KCNK13: variants seen among roughly 807,000 people sequenced by gnomAD.
KCNK13 encodes the protein potassium channel subfamily K member 13.
Under a neutral mutation model 23.4 loss-of-function variants are expected in KCNK13, and 12 were observed. The observed-to-expected ratio is 0.51, with a 90% CI of 0.33 to 0.83. KCNK13 has a LOEUF of 0.83. KCNK13 is among the 40% of genes least tolerant of loss of function. The pLI, the probability that KCNK13 is intolerant of heterozygous loss-of-function variation, is 0.02. For missense variants in KCNK13, 463 were observed against 556.3 expected (o/e 0.83, Z 1.69); for synonymous variants, 231 against 229.5 (o/e 1.01, Z -0.06).
intron 1 of KCNK13, among the ~76,000 whole-genome samples, chr14:90,162,492 C>G (rs1890262874): frequency 6.6e-6 from 1 of 152,128 alleles, no homozygotes. Context: ...CGAAATGTTG[C>G]CATTGAGGAA....
At chr14:90,120,140 C>T (rs941573281) in intron 1 of KCNK13, among the ~76,000 whole-genome samples, 5 of 152,272 alleles carry the variant, frequency 3.3e-5, no homozygotes, top group South Asian at 4.2e-4. Context: ...TCATTTAGCT[C>T]CCACTTATAA....
intron 1 of KCNK13, among the ~76,000 whole-genome samples, chr14:90,132,216 A>C (rs894966669): frequency 2.0e-5 from 3 of 152,206 alleles, no homozygotes; most frequent in African/African-American, 7.2e-5. Context: ...CATTGATACG[A>C]TGTAACAAGA....
chr14:90,107,773 C>T (rs1408305017), intron 1 of KCNK13: 1 of 828,182 alleles, frequency 1.2e-6, no homozygotes, highest in East Asian at 2.5e-5. Context: ...AAGAGATCCT[C>T]AGTCAACTGC....
intron 1 of KCNK13, among the ~76,000 whole-genome samples, chr14:90,132,656 G>T (rs3861658): frequency 0.099 from 15,045 of 152,164 alleles, 1,055 homozygotes; most frequent in Admixed American, 0.25. Flanking sequence ...GCAAGATGGA[G>T]GAAATGAGGT....
chr14:90,162,230 G>T (rs781735843), intron 1 of KCNK13, among the ~76,000 whole-genome samples: 1 of 152,046 alleles, frequency 6.6e-6, no homozygotes, highest in Non-Finnish European at 1.5e-5. Context: ...TACATTTTTG[G>T]TACCAGCCCC....
chr14:90,136,641 G>A (rs17799142), intron 1 of KCNK13, among the ~76,000 whole-genome samples: 15,074 of 152,130 alleles, frequency 0.099, 1,059 homozygotes, highest in Admixed American at 0.25. Flanking sequence ...GTTATTTACT[G>A]GCTTTCTTGC....
chr14:90,133,561 G>A (rs1005815505), intron 1 of KCNK13, among the ~76,000 whole-genome samples: 1 of 149,794 alleles, frequency 6.7e-6, no homozygotes, highest in East Asian at 2.0e-4. Flanking sequence ...AATAAAGCTG[G>A]GTTTTCAAAT....
intron 1 of KCNK13, among the ~76,000 whole-genome samples, chr14:90,071,930 G>C (rs977409600): frequency 1.3e-5 from 2 of 151,890 alleles, no homozygotes; most frequent in Admixed American, 6.6e-5. Flanking sequence ...GAGAAGAGTA[G>C]GGGAAGATGG....
chr14:90,158,223 T>C (rs964129295), intron 1 of KCNK13, among the ~76,000 whole-genome samples: 4 of 152,202 alleles, frequency 2.6e-5, no homozygotes, highest in Non-Finnish European at 5.9e-5. Context: ...CTGGTGAAGA[T>C]ACCAGGGCTG....
At chr14:90,147,359 C>G (rs928975727) in intron 1 of KCNK13, among the ~76,000 whole-genome samples, 2 of 152,118 alleles carry the variant, frequency 1.3e-5, no homozygotes, top group African/African-American at 4.8e-5. Context: ...CTCAAGCGAT[C>G]CCCCCTCAGC....
At chr14:90,171,435 G>T (rs139611859) in intron 1 of KCNK13, among the ~76,000 whole-genome samples, 1 of 152,236 alleles carries the variant, frequency 6.6e-6, no homozygotes, top group Non-Finnish European at 1.5e-5. Context: ...GTATAAAGCA[G>T]ATTATGATTG....
intron 1 of KCNK13, among the ~76,000 whole-genome samples, chr14:90,137,213 A>G (rs1325823835): frequency 6.6e-6 from 1 of 152,212 alleles, no homozygotes; most frequent in Non-Finnish European, 1.5e-5. Flanking sequence ...CCTGCTAGTA[A>G]CAAGGTACCT....
At chr14:90,183,357 C>T (rs74534110) in intron 1 of KCNK13, among the ~76,000 whole-genome samples, 5 of 152,300 alleles carry the variant, frequency 3.3e-5, no homozygotes, top group African/African-American at 1.2e-4. Context: ...CCCATAATCC[C>T]AGTGCTTTGG....
At chr14:90,176,415 T>C (rs1890422387) in intron 1 of KCNK13, among the ~76,000 whole-genome samples, 1 of 151,996 alleles carries the variant, frequency 6.6e-6, no homozygotes, top group African/African-American at 2.4e-5. Flanking sequence ...TGAACCCACT[T>C]CCCATCCCCC....
intron 1 of KCNK13, among the ~76,000 whole-genome samples, chr14:90,109,476 T>G (rs1021581897): frequency 1.4e-5 from 2 of 140,126 alleles, no homozygotes; most frequent in Admixed American, 7.3e-5. Flanking sequence ...TGGTGTGATC[T>G]CGGCTCACTG....
At chr14:90,161,271 A>T (rs12885846) in intron 1 of KCNK13, among the ~76,000 whole-genome samples, 36,588 of 152,162 alleles carry the variant, frequency 0.24, 5,623 homozygotes, top group Non-Finnish European at 0.35. Flanking sequence ...ATAGATAGAC[A>T]GTAGAATAGA....
intron 1 of KCNK13, among the ~76,000 whole-genome samples, chr14:90,090,903 A>C (rs760672028): frequency 1.3e-5 from 2 of 152,188 alleles, no homozygotes; most frequent in Non-Finnish European, 2.9e-5. Flanking sequence ...CTTCCCAGCC[A>C]TGTGGAACTA....
chr14:90,109,225 G>C (rs1355697155), intron 1 of KCNK13, among the ~76,000 whole-genome samples: 2 of 151,388 alleles, frequency 1.3e-5, no homozygotes, highest in African/African-American at 4.9e-5. Context: ...TTCTAGACTT[G>C]TAAGATTATT....
chr14:90,062,143 G>A lies in KCNK13; in HGVS notation c.-63G>A. ...GCCGGGGCCCTTATTTCCCGGGGGT[G>A]TGGGCGAGACTCCGCCGACGCCCGG... On this transcript the variant is annotated 5_prime_UTR_variant, in exon 1 of 2. It adds an upstream start codon to the 5' untranslated region. Coordinates refer to ENST00000282146, the MANE Select transcript of KCNK13 (RefSeq NM_022054.4). This position sits in a 1 kb window ranked among gnomAD's most constrained non-coding sequence, Gnocchi z 4.5. 9.0e-7 allele frequency: 1 copy of A among 1,109,746 alleles called. No homozygotes were observed. Among genetic ancestry groups the A allele is most frequent in the Non-Finnish European group, 1.2e-6 (1 of 848,646 alleles). 68.7% of individuals were successfully genotyped at this position (1,109,746 alleles called of 1,614,324 possible). A position where few individuals can be genotyped will look rare whatever the true frequency, so the allele number is the denominator to read the frequency against.
Sources: allele counts gnomAD v4.1 joint callset (sites outside exome capture counted in the v4.1 genomes callset), GRCh38; gene constraint gnomAD v4.1.1; non-coding constraint Gnocchi (gnomAD v3.1); transcripts MANE v1.5; gene names NCBI Gene and HGNC (gene_info 2026-07-23, HGNC 2026-07-21).